The following SYBU variants were observed in gnomAD, a reference collection of about 807,000 sequenced individuals.
SYBU encodes syntabulin.
A neutral mutation model predicts 35.9 loss-of-function variants in SYBU; 21 were observed. That is an observed-to-expected ratio of 0.58 (90% CI 0.41 to 0.84). The LOEUF is 0.84. Ranked by LOEUF, SYBU falls within the 40% of genes least tolerant of loss-of-function variation. The pLI, the probability that SYBU is intolerant of heterozygous loss-of-function variation, is 0.00. For missense variants in SYBU, 768 were observed against 848.2 expected, an observed-to-expected ratio of 0.91 and a Z score of 1.17; for synonymous variants, 319 against 324.3, an observed-to-expected ratio of 0.98 and a Z score of 0.18.
intron 1 of SYBU, among the ~76,000 whole-genome samples, chr8:109,651,477 C>A (rs1205259575): frequency 9.5e-5 from 4 of 42,038 alleles, no homozygotes; most frequent in Non-Finnish European, 1.4e-4. Flanking sequence ...TTTTTTTTTG[C>A]TCTGACAGTG....
chr8:109,666,562 G>T (rs1816760723), intron 1 of SYBU, among the ~76,000 whole-genome samples: 1 of 152,146 alleles, frequency 6.6e-6, no homozygotes, highest in Non-Finnish European at 1.5e-5. Flanking sequence ...CTAACATGGT[G>T]AAACCCTGTC....
intron 2 of SYBU, among the ~76,000 whole-genome samples, chr8:109,633,820 A>G (rs756013718): frequency 3.3e-5 from 5 of 151,776 alleles, no homozygotes; most frequent in African/African-American, 4.8e-5. Flanking sequence ...TGCAGCCTCC[A>G]CCTCCCGGGC....
chr8:109,578,927 C>A (rs879709925), intron 5 of SYBU, among the ~76,000 whole-genome samples: 1 of 152,192 alleles, frequency 6.6e-6, no homozygotes, highest in African/African-American at 2.4e-5. Context: ...TCTTCCTCTA[C>A]TTAACTCTCC....
chr8:109,615,010 CCTT>C (rs1188531753), intron 3 of SYBU, among the ~76,000 whole-genome samples: 2 of 152,140 alleles, frequency 1.3e-5, no homozygotes, highest in East Asian at 1.9e-4. Flanking sequence ...GACATATTTC[CCTT>C]CTTCTTCTGC....
chr8:109,650,743 T>C (rs763785900), intron 1 of SYBU, among the ~76,000 whole-genome samples: 1 of 152,232 alleles, frequency 6.6e-6, no homozygotes, highest in African/African-American at 2.4e-5. Flanking sequence ...TGTAGTTTCA[T>C]CTGCCCATGT....
At chr8:109,601,615 G>T (rs1417930991) in intron 3 of SYBU, among the ~76,000 whole-genome samples, 6 of 152,056 alleles carry the variant, frequency 3.9e-5, no homozygotes, top group Admixed American at 3.3e-4. Flanking sequence ...TGAGGGCAGG[G>T]GAATATGTCA....
intron 1 of SYBU, among the ~76,000 whole-genome samples, chr8:109,672,129 G>T (rs766713971): frequency 6.6e-6 from 1 of 152,086 alleles, no homozygotes; most frequent in Non-Finnish European, 1.5e-5. Flanking sequence ...TTGAAATCCC[G>T]ACCTCAGGTG....
At chr8:109,592,150 G>T (rs1008224070) in intron 3 of SYBU, among the ~76,000 whole-genome samples, 3 of 151,846 alleles carry the variant, frequency 2.0e-5, no homozygotes, top group Non-Finnish European at 4.4e-5. Flanking sequence ...GCCAGAAGAT[G>T]GCTTCTCAAA....
chr8:109,674,734 C>T (rs1029251363), intron 1 of SYBU, among the ~76,000 whole-genome samples: 1 of 152,144 alleles, frequency 6.6e-6, no homozygotes, highest in South Asian at 2.1e-4. Context: ...TAGAGATCAA[C>T]AAGACACAAA....
chr8:109,690,109 A>G (rs185927966), intron 1 of SYBU, among the ~76,000 whole-genome samples: 4 of 152,338 alleles, frequency 2.6e-5, no homozygotes, highest in Admixed American at 2.6e-4. Flanking sequence ...TGAATTGAAG[A>G]GCGTATTTTA....
intron 4 of SYBU, among the ~76,000 whole-genome samples, chr8:109,582,470 G>T (rs937901070): frequency 1.3e-5 from 2 of 152,114 alleles, no homozygotes; most frequent in Non-Finnish European, 2.9e-5. Context: ...CCTTCAGTCT[G>T]GTGGACAAGA....
rs58483486 is a variant in SYBU at position 109,582,833 on chromosome 8, A to C, written c.531-2831T>G. ...CTAATCCAGTTTAACTGGTGTCCTTATACAAAGAAGGAATTTGAGCAGACA... is the reference window on the plus strand; with the variant it reads ...CTAATCCAGTTTAACTGGTGTCCTTCTACAAAGAAGGAATTTGAGCAGACA... On this transcript the variant is annotated intron_variant, in intron 4 of 6. Coordinates refer to ENST00000276646, the MANE Select transcript of SYBU (RefSeq NM_001099754.2). Among the ~76,000 whole-genome samples, 1,409 of 152,294 alleles carry C rather than the reference A, an allele frequency of 9.3e-3. 36 individuals carry two copies. The highest frequency in any genetic ancestry group is 0.032 in the African/African-American group (1,350 of 41,564).
chr8:109,609,761 C>T (rs1296323627), intron 3 of SYBU, among the ~76,000 whole-genome samples: 7 of 152,172 alleles, frequency 4.6e-5, no homozygotes, highest in South Asian at 2.1e-4. Context: ...AAGACACTGT[C>T]TCTCTAAAAT....
intron 1 of SYBU, among the ~76,000 whole-genome samples, chr8:109,690,600 A>ACGATTTTC (rs1183679294): frequency 2.6e-5 from 4 of 152,336 alleles, no homozygotes; most frequent in African/African-American, 9.6e-5. Flanking sequence ...GATAAAAGCA[A>ACGATTTTC]CGATTTTCCG....
At chr8:109,668,165 G>GGAGAGAGAGAAAGGGGA (rs1338581968) in intron 1 of SYBU, among the ~76,000 whole-genome samples, 5,957 of 88,966 alleles carry the variant, frequency 0.067, 648 homozygotes, top group East Asian at 0.21. Flanking sequence ...GGGGAGAGGG[G>GGAGAGAGAGAAAGGGGA]GAGAGAGAGA....
chr8:109,663,534 T>C (rs139457241), intron 1 of SYBU, among the ~76,000 whole-genome samples: 1 of 152,300 alleles, frequency 6.6e-6, no homozygotes, highest in Non-Finnish European at 1.5e-5. Flanking sequence ...GGTAAGTGCA[T>C]ATTTTTGAAA....
upstream of SYBU, among the ~76,000 whole-genome samples, chr8:109,682,596 G>T (rs1213606816): frequency 3.3e-5 from 5 of 152,144 alleles, no homozygotes; most frequent in Non-Finnish European, 7.3e-5. Flanking sequence ...TAAAAGTTTT[G>T]AACATTTGCA....
chr8:109,654,576 T>G (rs1016710689), intron 1 of SYBU, among the ~76,000 whole-genome samples: 3 of 152,214 alleles, frequency 2.0e-5, no homozygotes, highest in Admixed American at 6.5e-5. Flanking sequence ...TTCTTTCCAA[T>G]TGCTTCAATT....
chr8:109,676,039 C>A (rs1453080994), intron 1 of SYBU, among the ~76,000 whole-genome samples: 1 of 152,154 alleles, frequency 6.6e-6, no homozygotes, highest in Non-Finnish European at 1.5e-5. Context: ...CGACAAAAAC[C>A]ACTTGATTAT....
Sources: gnomAD v4.1 joint callset for allele counts (sites outside exome capture counted in the v4.1 genomes callset) on GRCh38, gnomAD v4.1.1 for gene constraint, MANE v1.5 for transcripts, NCBI Gene and HGNC (gene_info 2026-07-23, HGNC 2026-07-21) for gene names.